The following ZMAT4 variants were observed in gnomAD, a reference collection of about 807,000 sequenced individuals.
ZMAT4 encodes the protein zinc finger matrin-type 4, also known as zinc finger matrin-type protein 4.
ZMAT4 carries 17 observed loss-of-function variants against 28.7 expected under a neutral mutation model. The ratio of observed to expected loss-of-function variants is 0.59; its 90% confidence interval spans 0.41 to 0.89. The LOEUF is 0.89. Ranked by LOEUF, ZMAT4 falls within the 40% of genes least tolerant of loss-of-function variation. The pLI, the probability that ZMAT4 is intolerant of heterozygous loss-of-function variation, is 0.00. For synonymous variants in ZMAT4, 117 were observed against 109.2 expected (o/e 1.07, Z -0.44); for missense variants, 240 against 283.8 (o/e 0.85, Z 1.11).
intron 5 of ZMAT4, among the ~76,000 whole-genome samples, chr8:40,625,547 C>G (rs984320928): frequency 6.6e-6 from 1 of 151,956 alleles, no homozygotes; most frequent in Non-Finnish European, 1.5e-5. Flanking sequence ...ATAGACTAAA[C>G]GTGACATTAG....
intron 5 of ZMAT4, among the ~76,000 whole-genome samples, chr8:40,622,834 G>T (rs1001820005): frequency 3.9e-5 from 6 of 152,264 alleles, no homozygotes; most frequent in African/African-American, 1.4e-4. Context: ...TGTCATTCAT[G>T]AGGGATCCAC....
chr8:40,699,294 G>A (rs1366930363), intron 3 of ZMAT4, among the ~76,000 whole-genome samples: 4 of 152,084 alleles, frequency 2.6e-5, no homozygotes, highest in African/African-American at 9.7e-5. Context: ...CATGCTGGAG[G>A]ATATATATTT....
chr8:40,849,886 C>G (rs553143385), intron 1 of ZMAT4, among the ~76,000 whole-genome samples: 1 of 152,282 alleles, frequency 6.6e-6, no homozygotes, highest in Non-Finnish European at 1.5e-5. Context: ...CAAATGCCAT[C>G]AGCAAGTGTG....
chr8:40,700,319 A>C (rs536719533), intron 3 of ZMAT4, among the ~76,000 whole-genome samples: 2 of 151,106 alleles, frequency 1.3e-5, no homozygotes, highest in Non-Finnish European at 2.9e-5. Flanking sequence ...GAAATGCTGG[A>C]ATGCCCTTTT....
chr8:40,812,704 G>A (rs1381113878), intron 2 of ZMAT4, among the ~76,000 whole-genome samples: 1 of 152,180 alleles, frequency 6.6e-6, no homozygotes, highest in Non-Finnish European at 1.5e-5. Flanking sequence ...GCCGAGGCGG[G>A]CGGATCACCT....
intron 1 of ZMAT4, among the ~76,000 whole-genome samples, chr8:40,848,603 A>G (rs1326965052): frequency 6.6e-6 from 1 of 152,164 alleles, no homozygotes; most frequent in Non-Finnish European, 1.5e-5. Flanking sequence ...TGGGGAAATC[A>G]TTTAATCTCC....
At chr8:40,546,960 C>A (rs111540986) in intron 6 of ZMAT4, among the ~76,000 whole-genome samples, 1 of 152,158 alleles carries the variant, frequency 6.6e-6, no homozygotes, top group Non-Finnish European at 1.5e-5. Flanking sequence ...CACACACTCA[C>A]GCACACACAC....
At chr8:40,836,415 GA>G (rs565133779) in intron 1 of ZMAT4, among the ~76,000 whole-genome samples, 98 of 152,132 alleles carry the variant, frequency 6.4e-4, no homozygotes, top group Non-Finnish European at 1.3e-3. Flanking sequence ...TTTCAGGCAA[GA>G]AAAAATCTTG....
intron 3 of ZMAT4, among the ~76,000 whole-genome samples, chr8:40,722,134 AC>A (rs755761715): frequency 3.3e-5 from 5 of 152,022 alleles, no homozygotes; most frequent in Non-Finnish European, 7.3e-5. Flanking sequence ...CATGTCTAAA[AC>A]ACCAAAAGCA....
At chr8:40,851,243 GC>G (rs1817095076) in intron 1 of ZMAT4, among the ~76,000 whole-genome samples, 1 of 152,152 alleles carries the variant, frequency 6.6e-6, no homozygotes, top group African/African-American at 2.4e-5. Flanking sequence ...CTGGAGAATC[GC>G]TTGAACCCAG....
intron 3 of ZMAT4, among the ~76,000 whole-genome samples, chr8:40,738,905 G>A (rs4430080): frequency 0.83 from 126,587 of 152,106 alleles, 53,754 homozygotes; most frequent in Non-Finnish European, 0.94. Flanking sequence ...AAAACGTATC[G>A]TGTGTCAACT....
chr8:40,601,439 AGGAAGGAAGGAAGGAAGGG>A lies in ZMAT4; in HGVS notation c.578-20197_578-20179del, dbSNP rs1805308322. The stretch of plus-strand genomic sequence containing the variant: ...AAGGAAGGAAGGAAGGAAGGAAGGA[AGGAAGGAAGGAAGGAAGGG>A]AGGAAGAAAGGAAAGAAAGAAAGAA... On this transcript the variant is annotated intron_variant, in intron 5 of 6. Transcript: ENST00000297737. Among the ~76,000 whole-genome samples the A allele has an allele frequency of 2.2e-5, 3 of 135,430 alleles. 1 individual carries two copies. The highest frequency in any genetic ancestry group is 5.6e-5 in the African/African-American group (2 of 35,996). 88.8% of individuals were successfully genotyped at this position (135,430 alleles called of 152,430 possible).
chr8:40,702,773 C>T (rs1389444367), intron 3 of ZMAT4, among the ~76,000 whole-genome samples: 4 of 152,158 alleles, frequency 2.6e-5, no homozygotes, highest in Non-Finnish European at 5.9e-5. Flanking sequence ...AGGCATGCGT[C>T]ATAGTGCTGC....
intron 3 of ZMAT4, among the ~76,000 whole-genome samples, chr8:40,716,207 G>A (rs745822277): frequency 9.9e-5 from 15 of 152,130 alleles, no homozygotes; most frequent in African/African-American, 2.9e-4. Flanking sequence ...TGTGGTACCC[G>A]GATTTGCAGC....
At chr8:40,872,614 G>A (rs751885772) in intron 1 of ZMAT4, among the ~76,000 whole-genome samples, 13 of 152,176 alleles carry the variant, frequency 8.5e-5, no homozygotes, top group Non-Finnish European at 1.3e-4. Context: ...TGGATCAAAG[G>A]TGCTGGTGAC....
chr8:40,572,283 T>C (rs552220334), intron 6 of ZMAT4, among the ~76,000 whole-genome samples: 11 of 152,088 alleles, frequency 7.2e-5, no homozygotes, highest in Non-Finnish European at 1.3e-4. Flanking sequence ...ATGAGTATAA[T>C]GGGGAAATAA....
chr8:40,617,657 T>A (rs2118680617), intron 5 of ZMAT4, among the ~76,000 whole-genome samples: 1 of 152,338 alleles, frequency 6.6e-6, no homozygotes, highest in African/African-American at 2.4e-5. Context: ...TTGGTTACAA[T>A]GCCCTAGTTA....
intron 3 of ZMAT4, among the ~76,000 whole-genome samples, chr8:40,737,723 A>G (rs1290097355): frequency 1.3e-5 from 2 of 152,174 alleles, no homozygotes; most frequent in Non-Finnish European, 2.9e-5. Context: ...CTGATTATGT[A>G]TACATATAGC....
At chr8:40,842,766 G>A (rs1409986881) in intron 1 of ZMAT4, among the ~76,000 whole-genome samples, 1 of 152,150 alleles carries the variant, frequency 6.6e-6, no homozygotes, top group African/African-American at 2.4e-5. Context: ...GAGTCCTACA[G>A]GATATTATAA....
Sources: gnomAD v4.1 joint callset for allele counts (sites outside exome capture counted in the v4.1 genomes callset) on GRCh38, gnomAD v4.1.1 for gene constraint, MANE v1.5 for transcripts, NCBI Gene and HGNC (gene_info 2026-07-23, HGNC 2026-07-21) for gene names.